The following PAM variants were observed in gnomAD, a reference collection of about 807,000 sequenced individuals.
PAM encodes the protein peptidyl-glycine alpha-amidating monooxygenase.
PAM carries 72 observed loss-of-function variants against 122.1 expected under a neutral mutation model. That is an observed-to-expected ratio of 0.59 (90% CI 0.49 to 0.72). PAM has a LOEUF of 0.72. PAM is among the 30% of genes least tolerant of loss of function. The pLI, the probability that PAM is intolerant of heterozygous loss-of-function variation, is 0.00. For missense variants in PAM, 1,106 were observed against 1,183.7 expected (o/e 0.93, Z 0.96); for synonymous variants, 389 against 404.4 (o/e 0.96, Z 0.46).
intron 1 of PAM, among the ~76,000 whole-genome samples, chr5:102,757,816 G>T (rs1750911392): frequency 6.6e-6 from 1 of 151,900 alleles, no homozygotes; most frequent in Non-Finnish European, 1.5e-5. Context: ...TGAGGCGGGA[G>T]TATTGCTTGA....
In PAM at chr5:102,867,280, G is replaced by C; in HGVS notation, c.97G>C (p.Glu33Gln). 1 of 1,599,894 alleles carries C rather than the reference G, an allele frequency of 6.3e-7. No homozygotes were observed. Among genetic ancestry groups the C allele is most frequent in the African/African-American group, 1.3e-5 (1 of 74,612 alleles). The change falls in exon 3 of 26, where the codon GAA (glutamate) becomes CAA (glutamine). Residue 33 changes from glutamate to glutamine, a missense_variant. Around this residue, in one of 3 missense-constraint regions of PAM, gnomAD observed 670 missense variants for 690.3 expected, o/e 0.97. Transcript: ENST00000438793. ...ATTGCCCTCTTTTTTAAGGTTTAAAGAAACTACCAGACCATTTTCCAATGA... is the reference window on the plus strand; with the variant it reads ...ATTGCCCTCTTTTTTAAGGTTTAAACAAACTACCAGACCATTTTCCAATGA... ...SPLSVFKRFK[E>Q]TTRPFSNECL...
At chr5:102,960,400 A>T (rs1220340753) in intron 13 of PAM, among the ~76,000 whole-genome samples, 1 of 151,974 alleles carries the variant, frequency 6.6e-6, no homozygotes, top group Non-Finnish European at 1.5e-5. Context: ...CAGTTTATGA[A>T]TTTATGCACC....
intron 3 of PAM, among the ~76,000 whole-genome samples, chr5:102,870,663 G>T (rs1246148537): frequency 6.6e-6 from 1 of 152,104 alleles, no homozygotes; most frequent in Non-Finnish European, 1.5e-5. Flanking sequence ...TCCTTTTTTA[G>T]AAATGGATAA....
At chr5:102,991,799 G>A (rs1404137467) in intron 16 of PAM, among the ~76,000 whole-genome samples, 1 of 152,040 alleles carries the variant, frequency 6.6e-6, no homozygotes, top group Non-Finnish European at 1.5e-5. Flanking sequence ...ACATCTAATA[G>A]TATTTTAACA....
chr5:102,817,328 C>T (rs1770226455), intron 1 of PAM, among the ~76,000 whole-genome samples: 1 of 151,998 alleles, frequency 6.6e-6, no homozygotes, highest in African/African-American at 2.4e-5. Context: ...ATGGTAGCCA[C>T]TTGCTACATG....
Position 102,979,017 on chromosome 5 carries a change from C to T in PAM, c.1483+4581C>T, listed in dbSNP as rs1450614921. Among the ~76,000 whole-genome samples, 4 of 144,620 alleles carry T rather than the reference C, an allele frequency of 2.8e-5. No homozygotes were observed. The South Asian group carries it at 9.2e-4, about 33-fold the overall frequency. 94.9% of individuals were successfully genotyped at this position (144,620 alleles called of 152,430 possible). A position where few individuals can be genotyped will look rare whatever the true frequency, so the allele number is the denominator to read the frequency against. On this transcript the variant is annotated intron_variant, in intron 15 of 25. Transcript: ENST00000438793. ...TCCCAAGTCTTGCTTCTTAATCACT[C>T]TGTTATTCTGCATCACACACACACA...
intron 1 of PAM, among the ~76,000 whole-genome samples, chr5:102,826,907 G>A (rs1032031237): frequency 6.6e-6 from 1 of 152,126 alleles, no homozygotes; most frequent in Non-Finnish European, 1.5e-5. Context: ...AATGTGATGA[G>A]TCACCTAAAT....
rs370551960 is a variant in PAM at position 103,005,309 on chromosome 5, G to T, written c.1803+83G>T. The stretch of plus-strand genomic sequence containing the variant: ...AGCTCTGGAGTTGTATGGGTTTTTT[G>T]TTTGTTTGTTTTTTCTTCTGTCACC... On this transcript the variant is annotated intron_variant, in intron 18 of 25. Transcript: ENST00000438793. 1.4e-4 allele frequency: 112 copies of T among 815,598 alleles called. No individual in the cohort carries two copies. The East Asian group carries it at 2.3e-3, about 17-fold the overall frequency. 50.5% of individuals were successfully genotyped at this position (815,598 alleles called of 1,614,324 possible).
At chr5:102,892,693 C>CT (rs755227411) in intron 3 of PAM, among the ~76,000 whole-genome samples, 3 of 151,806 alleles carry the variant, frequency 2.0e-5, no homozygotes, top group Non-Finnish European at 4.4e-5. Flanking sequence ...ATTTAAGCAT[C>CT]TTTCAAGTTG....
intron 16 of PAM, among the ~76,000 whole-genome samples, chr5:102,996,583 T>C (rs1308880677): frequency 1.3e-5 from 2 of 152,190 alleles, no homozygotes; most frequent in Admixed American, 6.5e-5. Context: ...ATTTATTTTA[T>C]TATTTGCCCC....
At chr5:102,915,897 A>G (rs1802957090) in intron 5 of PAM, among the ~76,000 whole-genome samples, 1 of 152,180 alleles carries the variant, frequency 6.6e-6, no homozygotes, top group Non-Finnish European at 1.5e-5. Flanking sequence ...GTATTCTTAA[A>G]TAAACTATTC....
intron 3 of PAM, among the ~76,000 whole-genome samples, chr5:102,900,125 G>A (rs1463813489): frequency 6.6e-6 from 1 of 151,128 alleles, no homozygotes; most frequent in Non-Finnish European, 1.5e-5. Context: ...ACCAGGTTTT[G>A]GCTAGAACAA....
At chr5:102,953,005 C>T (rs186934820) in intron 12 of PAM, among the ~76,000 whole-genome samples, 92 of 152,214 alleles carry the variant, frequency 6.0e-4, no homozygotes, top group East Asian at 3.7e-3. Context: ...CCATGTACTG[C>T]GAGAACTCTC....
At chr5:102,784,621 A>G (rs1010848163) in intron 1 of PAM, among the ~76,000 whole-genome samples, 2 of 152,220 alleles carry the variant, frequency 1.3e-5, no homozygotes, top group Non-Finnish European at 2.9e-5. Flanking sequence ...CTTCCATATT[A>G]AGGGTGAGTC....
chr5:102,987,318 CAT>C (rs766525881), intron 15 of PAM, among the ~76,000 whole-genome samples: 1 of 152,004 alleles, frequency 6.6e-6, no homozygotes, highest in South Asian at 2.1e-4. Flanking sequence ...TATTCATACT[CAT>C]ATGTGGAAGC....
chr5:102,912,914 G>A (rs1801860872), intron 4 of PAM, among the ~76,000 whole-genome samples: 1 of 152,058 alleles, frequency 6.6e-6, no homozygotes, highest in Non-Finnish European at 1.5e-5. Context: ...ATAGTGCTAT[G>A]TTTTTGGTCA....
chr5:102,842,275 A>G (rs956850934), intron 1 of PAM, among the ~76,000 whole-genome samples: 2 of 151,884 alleles, frequency 1.3e-5, no homozygotes, highest in African/African-American at 4.8e-5. Context: ...GAATATTAAT[A>G]TGGTTTGGCT....
intron 7 of PAM, among the ~76,000 whole-genome samples, chr5:102,938,836 A>C (rs72783890): frequency 0.28 from 42,974 of 151,598 alleles, 6,348 homozygotes; most frequent in East Asian, 0.43. Flanking sequence ...ACAACACTAA[A>C]CGAGGTTTGT....
At chr5:102,990,792 A>G (rs1773835685) in intron 16 of PAM, among the ~76,000 whole-genome samples, 1 of 152,194 alleles carries the variant, frequency 6.6e-6, no homozygotes, top group Non-Finnish European at 1.5e-5. Flanking sequence ...GATGGACTAT[A>G]ACAACGCACT....
Sources: gnomAD v4.1 joint callset for allele counts (sites outside exome capture counted in the v4.1 genomes callset) on GRCh38, gnomAD v4.1.1 for gene constraint, gnomAD v4.1.1 regional missense constraint, MANE v1.5 for transcripts, NCBI Gene and HGNC (gene_info 2026-07-23, HGNC 2026-07-21) for gene names.